Variants in XKR6 observed in about 807,000 individuals in gnomAD.
XKR6 encodes the protein XK related 6, also known as XK-related protein 6.
Under a neutral mutation model 56.7 loss-of-function variants are expected in XKR6, and 22 were observed. The ratio of observed to expected loss-of-function variants is 0.39; its 90% CI spans 0.28 to 0.55. The LOEUF (loss-of-function observed/expected upper bound fraction) is 0.55. XKR6 is among the 20% of genes least tolerant of loss of function. The pLI is 0.66. For synonymous variants in XKR6, 524 were observed against 387.8 expected (o/e 1.35, Z -4.13); for missense variants, 852 against 889.0 (o/e 0.96, Z 0.53).
chr8:10,914,773 G>C (rs1445303613), intron 2 of XKR6, among the ~76,000 whole-genome samples: 1 of 152,220 alleles, frequency 6.6e-6, no homozygotes, highest in South Asian at 2.1e-4. Flanking sequence ...CCCTGGGGCA[G>C]GCCAGGCTGT....
rs548345905 is a variant in XKR6, at chr8:11,020,900, CAG to C, written c.765-96072_765-96071del. 9.2e-5 allele frequency among the ~76,000 whole-genome samples: 14 copies of C among 152,244 alleles called. No individual in the cohort carries two copies. The South Asian group carries it at 2.9e-3, about 32-fold the overall frequency. The stretch of plus-strand genomic sequence containing the variant: ...TATCTCTTAGGGCTGTTGTGATGAT[CAG>C]AGAGTCAGTATATGTGAATTGCTTA... On this transcript the variant is annotated intron_variant, in intron 1 of 2. Coordinates refer to ENST00000416569, the MANE Select transcript of XKR6 (RefSeq NM_173683.4).
Position 11,201,091 on chromosome 8 carries a change from G to A in XKR6, c.249C>T (p.Arg83=), listed in dbSNP as rs781313482. 5 of 1,402,686 alleles carry A rather than the reference G, an allele frequency of 3.6e-6. No homozygotes were observed. The South Asian group carries it at 6.0e-5, about 17-fold the overall frequency. The allele number at this position is 1,402,686 out of a possible 1,614,324, so 86.9% of individuals were successfully genotyped here. ...CCCCCCCGTCGGCGGCGGCGCTGCG[G>A]CGCGGCTTCCTGCCCAGGAGGGAGC... is the stretch of plus-strand genomic sequence containing the variant. ...CLRSLLGRKP[R]RSAAADGGDQ... is the part of the protein sequence containing the mutation. Residue 83 remains arginine, a synonymous_variant, in exon 1 of 3, where the codon CGC becomes CGT. Coordinates refer to ENST00000416569, the MANE Select transcript of XKR6 (RefSeq NM_173683.4).
chr8:11,157,405 ATGAGG>A (rs1396679477), intron 1 of XKR6, among the ~76,000 whole-genome samples: 1 of 152,190 alleles, frequency 6.6e-6, no homozygotes. Flanking sequence ...GGGGAAGCTG[ATGAGG>A]TGTATATGGA....
chr8:10,942,109 C>G (rs1801401275), intron 1 of XKR6, among the ~76,000 whole-genome samples: 1 of 152,178 alleles, frequency 6.6e-6, no homozygotes, highest in South Asian at 2.1e-4. Flanking sequence ...CACTATCTCA[C>G]ACATACACAC....
At position 11,200,167 on chromosome 8, in the gene XKR6, G is replaced by C. The variant is rs1012666662; in HGVS notation, c.764+409C>G. Among the ~76,000 whole-genome samples the C allele has an allele frequency of 1.3e-5, 2 of 152,218 alleles. No homozygotes were observed. The highest frequency in any genetic ancestry group is 2.4e-5 in the African/African-American group (1 of 41,456). On this transcript the variant is annotated intron_variant, in intron 1 of 2. Transcript: ENST00000416569. The surrounding 1 kb of genome is among the most constrained non-coding windows in gnomAD (Gnocchi z 6.4). Reference sequence around the variant, plus strand: ...GAAGAGGGGAGGATGTCTCACCTGGGAACAAACCCGAATGCAGCGGCTGGA... The same window carrying C: ...GAAGAGGGGAGGATGTCTCACCTGGCAACAAACCCGAATGCAGCGGCTGGA...
intron 1 of XKR6, among the ~76,000 whole-genome samples, chr8:11,088,317 C>T (rs902205544): frequency 2.0e-5 from 3 of 152,204 alleles, no homozygotes; most frequent in African/African-American, 7.2e-5. Context: ...ACCCAGATCC[C>T]CTTATGGTCT....
chr8:10,942,899 G>T (rs1413355414), intron 1 of XKR6, among the ~76,000 whole-genome samples: 1 of 152,214 alleles, frequency 6.6e-6, no homozygotes, highest in Non-Finnish European at 1.5e-5. Context: ...TCTGAGGGTG[G>T]AACAGTTGCC....
chr8:11,049,055 G>A (rs1171217514), intron 1 of XKR6, among the ~76,000 whole-genome samples: 1 of 152,224 alleles, frequency 6.6e-6, no homozygotes, highest in African/African-American at 2.4e-5. Context: ...GTATTCTGGA[G>A]GTCACCCTGC....
At chr8:11,025,272 G>C (rs1051890595) in intron 1 of XKR6, among the ~76,000 whole-genome samples, 8 of 152,172 alleles carry the variant, frequency 5.3e-5, no homozygotes, top group African/African-American at 1.7e-4. Context: ...TCAATTCAGT[G>C]GTTACGTTTG....
intron 1 of XKR6, among the ~76,000 whole-genome samples, chr8:11,029,663 C>G (rs561643362): frequency 6.6e-6 from 1 of 152,238 alleles, no homozygotes; most frequent in Non-Finnish European, 1.5e-5. Flanking sequence ...TCACAGCAGC[C>G]CAGTTGACTG....
chr8:11,186,566 G>T (rs575117119), intron 1 of XKR6, among the ~76,000 whole-genome samples: 29 of 152,222 alleles, frequency 1.9e-4, no homozygotes, highest in Admixed American at 1.7e-3. Context: ...TTTTTGTAGA[G>T]ACAGGGTCTG....
intron 1 of XKR6, among the ~76,000 whole-genome samples, chr8:10,992,146 A>G (rs1798007675): frequency 6.6e-6 from 1 of 152,214 alleles, no homozygotes; most frequent in Non-Finnish European, 1.5e-5. Flanking sequence ...TGATGATATC[A>G]TCATCACCCT....
At chr8:10,902,061 T>C (rs1800050526) in intron 2 of XKR6, among the ~76,000 whole-genome samples, 1 of 152,180 alleles carries the variant, frequency 6.6e-6, no homozygotes, top group Non-Finnish European at 1.5e-5. Context: ...GCAACTCCCT[T>C]CATGGCAGTG....
At chr8:11,189,414 A>G (rs186725548) in intron 1 of XKR6, among the ~76,000 whole-genome samples, 1 of 152,342 alleles carries the variant, frequency 6.6e-6, no homozygotes, top group African/African-American at 2.4e-5. Context: ...CCTGCATTCT[A>G]AATCCAGGCA....
At chr8:11,108,052 A>G (rs576341747) in intron 1 of XKR6, 2 of 324,710 alleles carry the variant, frequency 6.2e-6, no homozygotes, top group Non-Finnish European at 1.2e-5. Context: ...ATTTTGTAGG[A>G]AAGTTCCAGT....
At chr8:10,994,338 C>T (rs1212489206) in intron 1 of XKR6, among the ~76,000 whole-genome samples, 1 of 152,254 alleles carries the variant, frequency 6.6e-6, no homozygotes, top group Non-Finnish European at 1.5e-5. Flanking sequence ...AGGCCCCTCT[C>T]CTGGGGATGG....
At chr8:11,127,819 A>T (rs1391758250) in intron 1 of XKR6, among the ~76,000 whole-genome samples, 1 of 152,130 alleles carries the variant, frequency 6.6e-6, no homozygotes, top group Non-Finnish European at 1.5e-5. Flanking sequence ...GGGCGCCATT[A>T]ATGTGTCTAC....
chr8:11,162,246 G>A (rs73665013), intron 1 of XKR6, among the ~76,000 whole-genome samples: 6,872 of 152,254 alleles, frequency 0.045, 506 homozygotes, highest in African/African-American at 0.16. Context: ...GTTGCTGCCC[G>A]TGGGCTGTTT....
intron 1 of XKR6, among the ~76,000 whole-genome samples, chr8:10,991,615 G>A (rs1349401018): frequency 6.6e-6 from 1 of 152,172 alleles, no homozygotes; most frequent in Non-Finnish European, 1.5e-5. Flanking sequence ...TCTTCCAGGC[G>A]AAGTGTAACC....
Sources: allele counts gnomAD v4.1 joint callset (sites outside exome capture counted in the v4.1 genomes callset), GRCh38; gene constraint gnomAD v4.1.1; non-coding constraint Gnocchi (gnomAD v3.1); transcripts MANE v1.5; gene names NCBI Gene and HGNC (gene_info 2026-07-23, HGNC 2026-07-21).